TRAK2: variants seen among roughly 807,000 people sequenced by gnomAD.
TRAK2 encodes trafficking kinesin protein 2.
TRAK2 carries 81 observed loss-of-function variants against 104.6 expected under a neutral mutation model. The observed-to-expected ratio is 0.77, with a 90% CI of 0.65 to 0.93. The LOEUF (loss-of-function observed/expected upper bound fraction) is 0.93, where lower values mean the gene tolerates loss of function less well. Ranked by LOEUF, TRAK2 falls within the 40% of genes least tolerant of loss-of-function variation. The pLI is 0.00. For missense variants in TRAK2, 1,002 were observed against 1,089.0 expected (o/e 0.92, Z 1.12); for synonymous variants, 406 against 394.4 (o/e 1.03, Z -0.35).
chr2:201,390,362 G>A (rs1951434760), intron 10 of TRAK2, among the ~76,000 whole-genome samples: 1 of 148,772 alleles, frequency 6.7e-6, no homozygotes, highest in Admixed American at 6.7e-5. Flanking sequence ...GGCTAACATG[G>A]TGAAACCCTG....
chr2:201,403,856 G>C (rs376776958), intron 3 of TRAK2, among the ~76,000 whole-genome samples: 1 of 151,952 alleles, frequency 6.6e-6, no homozygotes, highest in African/African-American at 2.4e-5. Context: ...AAGTTAGATA[G>C]TGCAATCAGA....
chr2:201,424,477 C>T (rs1368055178), intron 1 of TRAK2, among the ~76,000 whole-genome samples: 1 of 151,970 alleles, frequency 6.6e-6, no homozygotes, highest in South Asian at 2.1e-4. Context: ...ATCATGCACT[C>T]GTTTGTAACT....
At chr2:201,398,485 G>T in intron 5 of TRAK2, 131 bp from the exon 6 acceptor site, 1 of 799,650 alleles carries the variant, frequency 1.3e-6, no homozygotes, top group Non-Finnish European at 1.9e-6. Flanking sequence ...AGGTTTTACT[G>T]ACTAACGCAA....
intron 3 of TRAK2, 50 bp downstream of exon 3, chr2:201,407,353 C>T (rs762804580): frequency 6.7e-7 from 1 of 1,491,656 alleles, no homozygotes; most frequent in Non-Finnish European, 9.2e-7. Flanking sequence ...CCAAGATACC[C>T]ATGATCATTA....
At chr2:201,412,565 A>G in intron 2 of TRAK2, 1 of 1,333,952 alleles carries the variant, frequency 7.5e-7, no homozygotes, top group Non-Finnish European at 1.1e-6. Context: ...CCTAAAGAAT[A>G]TATATCACTG....
intron 9 of TRAK2, among the ~76,000 whole-genome samples, chr2:201,393,893 G>A (rs535809347): frequency 5.9e-5 from 9 of 152,178 alleles, no homozygotes; most frequent in East Asian, 1.9e-4. Context: ...GACCACAGGC[G>A]TGCACCACTA....
intron 1 of TRAK2, among the ~76,000 whole-genome samples, chr2:201,424,518 A>G (rs902288429): frequency 1.3e-5 from 2 of 152,164 alleles, no homozygotes; most frequent in African/African-American, 4.8e-5. Context: ...GCACTAGTGT[A>G]TAACAGGCTA....
At chr2:201,382,984 C>T (rs1043306730) in intron 15 of TRAK2, among the ~76,000 whole-genome samples, 3 of 152,074 alleles carry the variant, frequency 2.0e-5, no homozygotes, top group African/African-American at 7.2e-5. Flanking sequence ...ATTTAATGCA[C>T]TTAAAGTAAT....
At chr2:201,425,724 T>TA (rs1559451114) in intron 1 of TRAK2, among the ~76,000 whole-genome samples, 47 of 95,446 alleles carry the variant, frequency 4.9e-4, no homozygotes, top group African/African-American at 1.1e-3. Flanking sequence ...CTTTTTTTTT[T>TA]TAAATAATGT....
chr2:201,441,428 A>G (rs768601992), intron 1 of TRAK2, among the ~76,000 whole-genome samples: 14 of 152,218 alleles, frequency 9.2e-5, no homozygotes, highest in South Asian at 2.1e-4. Context: ...AAATGGTCAG[A>G]TATCTTCTTT....
chr2:201,391,285 T>A (rs1478073371), intron 10 of TRAK2, among the ~76,000 whole-genome samples: 1 of 152,158 alleles, frequency 6.6e-6, no homozygotes, highest in Non-Finnish European at 1.5e-5. Flanking sequence ...TGTAATCTAT[T>A]GAATAAAATA....
intron 1 of TRAK2, among the ~76,000 whole-genome samples, chr2:201,439,537 T>C (rs926911922): frequency 5.9e-5 from 9 of 151,854 alleles, no homozygotes; most frequent in African/African-American, 2.2e-4. Flanking sequence ...AGACAGAAAA[T>C]AATTTGATGA....
At chr2:201,436,977 T>C (rs976653475) in intron 1 of TRAK2, among the ~76,000 whole-genome samples, 5 of 152,350 alleles carry the variant, frequency 3.3e-5, no homozygotes, top group Admixed American at 6.5e-5. Flanking sequence ...TTTAGTAATG[T>C]AATTCTACTA....
Position 201,393,058 on chromosome 2 carries a change from G to A in TRAK2, c.976-12C>T. On this transcript the variant is annotated splice_polypyrimidine_tract_variant and intron_variant, in intron 9 of 15. Coordinates refer to ENST00000332624, the MANE Select transcript of TRAK2 (RefSeq NM_015049.3). Reference sequence around the variant, plus strand: ...TGTAACTCGTGCAGCTAAAAGAAAGGATGGTAGTGTACTTTATTGCCTTCC... The same window carrying A: ...TGTAACTCGTGCAGCTAAAAGAAAGAATGGTAGTGTACTTTATTGCCTTCC... 6.2e-7 allele frequency: 1 copy of A among 1,605,328 alleles called. No homozygotes were observed. Among genetic ancestry groups the A allele is most frequent in the Non-Finnish European group, 8.5e-7 (1 of 1,175,748 alleles).
chr2:201,442,832 T>C (rs1380107944), intron 1 of TRAK2, among the ~76,000 whole-genome samples: 1 of 152,240 alleles, frequency 6.6e-6, no homozygotes. Context: ...GAGTGTAAAT[T>C]AGTATTCCTC....
intron 1 of TRAK2, among the ~76,000 whole-genome samples, chr2:201,422,777 GGTAA>G: frequency 6.6e-6 from 1 of 152,064 alleles, no homozygotes; most frequent in South Asian, 2.1e-4. Flanking sequence ...GCAAGGTGTC[GGTAA>G]GTGAGATGCT....
At chr2:201,395,971 C>A (rs969270362) in intron 7 of TRAK2, among the ~76,000 whole-genome samples, 1 of 152,182 alleles carries the variant, frequency 6.6e-6, no homozygotes, top group Non-Finnish European at 1.5e-5. Flanking sequence ...TTCTGGCATA[C>A]CCCTTTCAGG....
intron 9 of TRAK2, 45 bp downstream of exon 9, chr2:201,394,753 T>C: frequency 7.0e-7 from 1 of 1,434,650 alleles, no homozygotes. Context: ...AAGAAACTAG[T>C]CACTCTTTCC....
chr2:201,381,926 CA>C (rs2125639088), intron 15 of TRAK2, among the ~76,000 whole-genome samples: 1 of 152,282 alleles, frequency 6.6e-6, no homozygotes, highest in African/African-American at 2.4e-5. Flanking sequence ...GACAACTATT[CA>C]GTAATACTTC....
Sources: gnomAD v4.1 joint callset for allele counts (sites outside exome capture counted in the v4.1 genomes callset) on GRCh38, gnomAD v4.1.1 for gene constraint, MANE v1.5 for transcripts, NCBI Gene and HGNC (gene_info 2026-07-23, HGNC 2026-07-21) for gene names.